Variants in ZCCHC14 observed in about 807,000 individuals in gnomAD.
ZCCHC14 encodes zinc finger CCHC domain-containing protein 14.
In ZCCHC14, 16 loss-of-function variants were observed where a neutral mutation model predicts 85.0. That is an observed-to-expected ratio of 0.19 (90% CI 0.13 to 0.29). ZCCHC14 has a LOEUF of 0.29. Among genes scored for constraint, ZCCHC14 ranks in the 10% least tolerant of loss-of-function variants. The pLI is 1.00. For synonymous variants in ZCCHC14, 775 were observed against 630.7 expected, an observed-to-expected ratio of 1.23 and a Z score of -3.43; for missense variants, 1,303 against 1,443.5, an observed-to-expected ratio of 0.90 and a Z score of 1.58.
chr16:87,473,096 A>G (rs1023214316), intron 1 of ZCCHC14: 1 of 152,264 alleles, frequency 6.6e-6, no homozygotes, highest in Admixed American at 6.5e-5. Context: ...CAGAGGCTGC[A>G]GCCAGCACCC....
intron 2 of ZCCHC14, among the ~76,000 whole-genome samples, chr16:87,454,642 A>T (rs1910864468): frequency 6.6e-6 from 1 of 152,268 alleles, no homozygotes; most frequent in Admixed American, 6.5e-5. Flanking sequence ...CTGACGGGAA[A>T]TGAGACCAGA....
intron 3 of ZCCHC14, among the ~76,000 whole-genome samples, chr16:87,430,050 G>C (rs544931490): frequency 6.6e-6 from 1 of 152,238 alleles, no homozygotes; most frequent in African/African-American, 2.4e-5. Context: ...CAAAGAGAAA[G>C]TTTCAAATCT....
intron 1 of ZCCHC14, among the ~76,000 whole-genome samples, chr16:87,466,052 T>C (rs1221264577): frequency 6.6e-6 from 1 of 152,246 alleles, no homozygotes; most frequent in East Asian, 1.9e-4. Flanking sequence ...GGTGAGGAGC[T>C]ACGCCTGCAG....
In ZCCHC14 at chr16:87,414,686, A is replaced by C; in HGVS notation, c.1476-145T>G. The C allele has an allele frequency of 2.6e-6, 3 of 1,175,360 alleles. No homozygotes were observed. In the Admixed American group the frequency reaches 8.5e-5, roughly 33 times the overall value. The allele number at this position is 1,175,360 out of a possible 1,614,324, so 72.8% of individuals were successfully genotyped here. A position where few individuals can be genotyped will look rare whatever the true frequency, so the allele number is the denominator to read the frequency against. ...ATGGGTCTACTCCACACCACAGGGA[A>C]ATTCCCCCCAGAGCATTAAGGCAAG... On this transcript the variant is annotated intron_variant, in intron 9 of 12. Coordinates refer to ENST00000671377, the MANE Select transcript of ZCCHC14 (RefSeq NM_015144.3).
intron 1 of ZCCHC14, among the ~76,000 whole-genome samples, chr16:87,460,492 C>G (rs1409635276): frequency 7.9e-5 from 12 of 152,166 alleles, no homozygotes; most frequent in Admixed American, 7.9e-4. Flanking sequence ...GAGTTCAAGA[C>G]CAGCCTGGCC....
intron 2 of ZCCHC14, among the ~76,000 whole-genome samples, chr16:87,440,807 C>T (rs552233768): frequency 4.6e-5 from 7 of 151,308 alleles, no homozygotes; most frequent in Non-Finnish European, 7.4e-5. Context: ...CACGGGGTTT[C>T]GCCATGTCAC....
chr16:87,429,581 G>C (rs753573908), intron 3 of ZCCHC14, among the ~76,000 whole-genome samples: 3 of 152,194 alleles, frequency 2.0e-5, no homozygotes, highest in Non-Finnish European at 4.4e-5. Flanking sequence ...AAGAGTTCAA[G>C]ACCAGTCTGG....
intron 1 of ZCCHC14, among the ~76,000 whole-genome samples, chr16:87,481,548 G>A (rs1912275873): frequency 1.6e-5 from 1 of 61,232 alleles, no homozygotes; most frequent in Non-Finnish European, 3.9e-5. Context: ...GGGGTGGGGG[G>A]GGGGAAGGGT....
intron 2 of ZCCHC14, among the ~76,000 whole-genome samples, chr16:87,456,517 A>G (rs1910971472): frequency 7.4e-6 from 1 of 134,532 alleles, no homozygotes; most frequent in African/African-American, 2.8e-5. Flanking sequence ...TGGGCGACAG[A>G]GCAAGACTCT....
In ZCCHC14 at chr16:87,490,748, G is replaced by GT. The variant is rs1199312025; in HGVS notation, c.570+920dup. Among the ~76,000 whole-genome samples, 6 of 152,332 alleles carry GT rather than the reference G, an allele frequency of 3.9e-5. No individual in the cohort carries two copies. The East Asian group carries it at 1.2e-3, about 29-fold the overall frequency. ...GGGAGTCTTTTTCTGTCTGTTACAG[G>GT]TAGCCCGGCTCTTAAAAACGATCAC... On this transcript the variant is annotated intron_variant, in intron 1 of 12. Transcript: ENST00000671377.
chr16:87,457,331 C>G (rs1291230858), intron 2 of ZCCHC14, among the ~76,000 whole-genome samples: 1 of 152,232 alleles, frequency 6.6e-6, no homozygotes, highest in East Asian at 1.9e-4. Context: ...CTGCTATTTT[C>G]TTCAGCCAGC....
At chr16:87,447,572 A>G (rs886126300) in intron 2 of ZCCHC14, among the ~76,000 whole-genome samples, 1 of 152,168 alleles carries the variant, frequency 6.6e-6, no homozygotes, top group Non-Finnish European at 1.5e-5. Context: ...CTTCCATTGT[A>G]TAAATATACC....
rs767129452 is a variant in ZCCHC14, at chr16:87,412,145, G to A, written c.2576C>T (p.Thr859Met). 8.1e-6 allele frequency: 13 copies of A among 1,613,970 alleles called. No homozygotes were observed. The highest frequency in any genetic ancestry group is 4.5e-5 in the East Asian group (2 of 44,886). ...GCTGGGGGCTGGGCAGCTGGGCAAC[G>A]TGGCCATGTTGGCAAAGGACGTGGA... The part of the protein sequence containing the change: ...HPSTSFANMA[T>M]LPSCPAPSSS... Residue 859 changes from threonine to methionine, a missense_variant, in exon 12 of 13, where the codon ACG becomes ATG. Transcript: ENST00000671377.
intron 3 of ZCCHC14, among the ~76,000 whole-genome samples, chr16:87,428,217 T>C (rs991102459): frequency 2.0e-5 from 3 of 152,228 alleles, no homozygotes; most frequent in African/African-American, 7.2e-5. Flanking sequence ...CAGTAACCTT[T>C]TGTATCCTGG....
At chr16:87,419,736 G>GTTTT in intron 6 of ZCCHC14, 47 bp downstream of exon 6, 11 of 1,119,360 alleles carry the variant, frequency 9.8e-6, no homozygotes, top group South Asian at 3.4e-5. Context: ...GCGCCCAGCT[G>GTTTT]TTTTTTTTTT....
chr16:87,451,894 T>C (rs1461598051), intron 2 of ZCCHC14, among the ~76,000 whole-genome samples: 1 of 152,250 alleles, frequency 6.6e-6, no homozygotes, highest in Non-Finnish European at 1.5e-5. Context: ...TGAAATGTGA[T>C]ACTTTCTAGC....
At chr16:87,414,566 C>T (rs1473229218) in intron 9 of ZCCHC14, 25 bp from the exon 10 acceptor site, 1 of 1,598,254 alleles carries the variant, frequency 6.3e-7, no homozygotes. Flanking sequence ...AGCACAGGAA[C>T]AAGTGAGCAC....
At position 87,420,763 on chromosome 16, in the gene ZCCHC14, C is replaced by A; in HGVS notation, c.841-47G>T. The A allele has an allele frequency of 2.0e-6, 3 of 1,507,136 alleles. No individual in the cohort carries two copies. Among genetic ancestry groups the A allele is most frequent in the Non-Finnish European group, 2.7e-6 (3 of 1,109,650 alleles). The allele number at this position is 1,507,136 out of a possible 1,614,324, so 93.4% of individuals were successfully genotyped here. Reference sequence around the variant, plus strand: ...AGGAGGTGTGTCCAGACCCATCCAACACCAGCAGAATTCTGCTACTGCAGG... The same window carrying A: ...AGGAGGTGTGTCCAGACCCATCCAAAACCAGCAGAATTCTGCTACTGCAGG... On this transcript the variant is annotated intron_variant, in intron 4 of 12. Coordinates refer to ENST00000671377, the MANE Select transcript of ZCCHC14 (RefSeq NM_015144.3). This position sits in a 1 kb window ranked among gnomAD's most constrained non-coding sequence, Gnocchi z 5.0.
intron 3 of ZCCHC14, among the ~76,000 whole-genome samples, chr16:87,432,498 C>T (rs1233652533): frequency 3.3e-5 from 5 of 152,114 alleles, no homozygotes; most frequent in Admixed American, 6.5e-5. Flanking sequence ...AGGGCCACAT[C>T]CTAGGGATGG....
Sources: gnomAD v4.1 joint callset for allele counts (sites outside exome capture counted in the v4.1 genomes callset) on GRCh38, gnomAD v4.1.1 for gene constraint, Gnocchi (gnomAD v3.1) non-coding constraint, MANE v1.5 for transcripts, NCBI Gene and HGNC (gene_info 2026-07-23, HGNC 2026-07-21) for gene names.